TNFRSF13B: variants seen among roughly 807,000 people sequenced by gnomAD.
TNFRSF13B encodes the protein TNF receptor superfamily member 13B, also known as tumor necrosis factor receptor superfamily member 13B.
A neutral mutation model predicts 24.0 loss-of-function variants in TNFRSF13B; 34 were observed. That is an observed-to-expected ratio of 1.41 (90% CI 1.08 to 1.88). The LOEUF is 1.88. Ranked by LOEUF, TNFRSF13B falls within the 40% of genes most tolerant of loss-of-function variation. TNFRSF13B has a pLI of 0.00. For missense variants in TNFRSF13B, 415 were observed against 380.8 expected, an observed-to-expected ratio of 1.09 and a Z score of -0.75; for synonymous variants, 173 against 150.3, an observed-to-expected ratio of 1.15 and a Z score of -1.10.
intron 1 of TNFRSF13B, among the ~76,000 whole-genome samples, chr17:16,958,723 A>C (rs2087641697): frequency 6.6e-6 from 1 of 152,112 alleles, no homozygotes; most frequent in Non-Finnish European, 1.5e-5. Flanking sequence ...AAGACAAAGA[A>C]GGACAATATA....
chr17:16,953,879 C>T (rs952852922), intron 1 of TNFRSF13B, among the ~76,000 whole-genome samples: 2 of 152,192 alleles, frequency 1.3e-5, no homozygotes, highest in African/African-American at 4.8e-5. Context: ...AAGCAGTTCT[C>T]CTGCAGCCTC....
rs765377299 is a variant in TNFRSF13B, at chr17:16,939,724, A to G, written c.705T>C (p.Pro235=). The G allele has an allele frequency of 1.2e-6, 2 of 1,605,744 alleles. No individual in the cohort carries two copies. The highest frequency in any genetic ancestry group is 2.2e-5 in the East Asian group (1 of 44,568). The change falls in exon 5 of 5, where the codon CCT becomes CCC. Residue 235 remains proline, a synonymous_variant. Coordinates refer to ENST00000261652, the MANE Select transcript of TNFRSF13B (RefSeq NM_012452.3). ...TCTCCTGCGTGGGCGCCCTGCACTC[A>G]GGGAAGCAGAAGCTGCAGGTCTCCA... ...EPVETCSFCF[P]ECRAPTQESA... is the part of the protein sequence containing the mutation.
At chr17:16,941,552 T>G (rs2087510266) in intron 3 of TNFRSF13B, 1 of 987,620 alleles carries the variant, frequency 1.0e-6, no homozygotes. Context: ...TGCCGGGCAC[T>G]TCCCCTACAG....
At chr17:16,954,795 T>TGCCA (rs1307222783) in intron 1 of TNFRSF13B, among the ~76,000 whole-genome samples, 1 of 152,184 alleles carries the variant, frequency 6.6e-6, no homozygotes, top group Non-Finnish European at 1.5e-5. Context: ...CCAAGGCAGG[T>TGCCA]GCCAGTCCCT....
At chr17:16,958,535 T>C (rs1328207934) in intron 1 of TNFRSF13B, among the ~76,000 whole-genome samples, 1 of 151,954 alleles carries the variant, frequency 6.6e-6, no homozygotes, top group Admixed American at 6.6e-5. Context: ...TTTTGCGTGG[T>C]TTGTAACTCC....
At position 16,952,455 on chromosome 17, in the gene TNFRSF13B, CT is replaced by C. The variant is rs1190506133; in HGVS notation, c.189del (p.Ala64ProfsTer20). 1 of 1,614,084 alleles carries C rather than the reference CT, an allele frequency of 6.2e-7. No homozygotes were observed. The highest frequency in any genetic ancestry group is 2.2e-5 in the East Asian group (1 of 44,890). On this transcript the variant is annotated frameshift_variant, in exon 2 of 5. Transcript: ENST00000261652. LOFTEE classifies it high-confidence loss of function. ...ICNHQSQRTC[A>X]AFCRSLSCRK... is the part of the protein sequence containing the mutation. ...AGGCCCCAGAACTCACTGCAGAAGG[CT>C]GCACAGGTGCGCTGGCTCTGATGGT...
intron 4 of TNFRSF13B, chr17:16,940,034 C>G (rs375035528): frequency 6.1e-6 from 6 of 981,884 alleles, no homozygotes; most frequent in Admixed American, 5.8e-5. Flanking sequence ...GCCACGCCCC[C>G]CAAGGGGACA....
chr17:16,960,725 C>T (rs1055618273), intron 1 of TNFRSF13B, among the ~76,000 whole-genome samples: 4 of 151,998 alleles, frequency 2.6e-5, no homozygotes, highest in Non-Finnish European at 1.5e-5. Context: ...AAGGCATAGG[C>T]AATGAAAGGA....
At position 16,939,218 on chromosome 17, in the gene TNFRSF13B, T is replaced by G. The variant is rs1487543419; in HGVS notation, c.*329A>C. 2.6e-5 allele frequency: 7 copies of G among 267,838 alleles called. No individual in the cohort carries two copies. Among genetic ancestry groups the G allele is most frequent in the Non-Finnish European group, 4.3e-5 (6 of 141,112 alleles). The allele number at this position is 267,838 out of a possible 1,614,324, so 16.6% of individuals were successfully genotyped here. A position where few individuals can be genotyped will look rare whatever the true frequency, so the allele number is the denominator to read the frequency against. Reference sequence around the variant, plus strand: ...CTACAGCTGCACTGGGAACTGGGACTCAGAGTGCCCCGACCTCCTGCTCTA... The same window carrying G: ...CTACAGCTGCACTGGGAACTGGGACGCAGAGTGCCCCGACCTCCTGCTCTA... On this transcript the variant is annotated 3_prime_UTR_variant, in exon 5 of 5. Coordinates refer to ENST00000261652, the MANE Select transcript of TNFRSF13B (RefSeq NM_012452.3).
intron 3 of TNFRSF13B, among the ~76,000 whole-genome samples, chr17:16,946,582 T>G (rs2087550135): frequency 6.9e-6 from 1 of 144,380 alleles, no homozygotes. Flanking sequence ...TTATTTTTAT[T>G]TATTTATTTA....
At position 16,939,255 on chromosome 17, in the gene TNFRSF13B, CCCTCTCTCCCTCTCTGTCTCTCTG is replaced by C. The variant is rs1183609185; in HGVS notation, c.*268_*291del. ...GACCTCCTGCTCTATCTCTCTCTGT[CCCTCTCTCCCTCTCTGTCTCTCTG>C]CCTCTCTCCCTCTCTGCCTCTCTCC... On this transcript the variant is annotated 3_prime_UTR_variant, in exon 5 of 5. Coordinates refer to ENST00000261652, the MANE Select transcript of TNFRSF13B (RefSeq NM_012452.3). 9 of 385,852 alleles carry C rather than the reference CCCTCTCTCCCTCTCTGTCTCTCTG, an allele frequency of 2.3e-5. No individual in the cohort carries two copies. Among genetic ancestry groups the C allele is most frequent in the Admixed American group, 4.4e-5 (1 of 22,838 alleles). 23.9% of individuals were successfully genotyped at this position (385,852 alleles called of 1,614,324 possible).
intron 2 of TNFRSF13B, 63 bp from the exon 3 acceptor site, chr17:16,949,046 C>G (rs781012891): frequency 1.6e-4 from 253 of 1,606,086 alleles, no homozygotes; most frequent in Non-Finnish European, 2.0e-4. Flanking sequence ...CTGGGTTTGA[C>G]CACAAAGGAC....
intron 1 of TNFRSF13B, among the ~76,000 whole-genome samples, chr17:16,969,964 C>T (rs7224182): frequency 2.0e-5 from 3 of 152,022 alleles, no homozygotes; most frequent in Admixed American, 6.6e-5. Context: ...GTGGGCAGGA[C>T]GTTCTATGTG....
intron 4 of TNFRSF13B, 192 bp from the exon 5 acceptor site, chr17:16,939,989 A>G (rs2087497394): frequency 1.0e-6 from 1 of 989,468 alleles, no homozygotes. Context: ...TGGGCAGGCA[A>G]TTCTTGGCTC....
chr17:16,970,580 T>C (rs574097068), intron 1 of TNFRSF13B, among the ~76,000 whole-genome samples: 1 of 152,366 alleles, frequency 6.6e-6, no homozygotes, highest in African/African-American at 2.4e-5. Flanking sequence ...CAAAGCACTT[T>C]TGTGTGTTTG....
chr17:16,954,227 T>C (rs1046306213), intron 1 of TNFRSF13B, among the ~76,000 whole-genome samples: 4 of 152,166 alleles, frequency 2.6e-5, no homozygotes, highest in African/African-American at 9.7e-5. Context: ...AGATCCTGTC[T>C]CTACAAAAGG....
intron 1 of TNFRSF13B, among the ~76,000 whole-genome samples, chr17:16,963,086 C>T (rs765172602): frequency 1.3e-5 from 2 of 152,210 alleles, no homozygotes; most frequent in Admixed American, 6.5e-5. Context: ...GCTGTGTGAC[C>T]TTGGGCACGA....
intron 1 of TNFRSF13B, among the ~76,000 whole-genome samples, chr17:16,969,823 G>T (rs2087731214): frequency 6.6e-6 from 1 of 152,072 alleles, no homozygotes; most frequent in South Asian, 2.1e-4. Flanking sequence ...CTATTCAAAG[G>T]CAAATCTAAA....
chr17:16,945,597 A>C (rs10468462), intron 3 of TNFRSF13B, among the ~76,000 whole-genome samples: 10,822 of 152,234 alleles, frequency 0.071, 529 homozygotes, highest in South Asian at 0.14. Flanking sequence ...GGTTTGCAGG[A>C]AGTTTCAAAT....
Sources: allele counts gnomAD v4.1 joint callset (sites outside exome capture counted in the v4.1 genomes callset), GRCh38; gene constraint gnomAD v4.1.1; transcripts MANE v1.5; gene names NCBI Gene and HGNC (gene_info 2026-07-23, HGNC 2026-07-21).